Variants in RYR3 observed in about 807,000 individuals in gnomAD.
RYR3 encodes ryanodine receptor 3, also known as brain ryanodine receptor-calcium release channel.
Under a neutral mutation model 584.3 loss-of-function variants are expected in RYR3, and 207 were observed. The observed-to-expected ratio is 0.35, with a 90% CI of 0.32 to 0.40. RYR3 has a LOEUF of 0.40. Among genes scored for constraint, RYR3 ranks in the 10% least tolerant of loss-of-function variants. RYR3 has a pLI of 1.00. For missense variants in RYR3, 5,616 were observed against 6,089.2 expected, an observed-to-expected ratio of 0.92 and a Z score of 2.59; for synonymous variants, 2,416 against 2,248.5, an observed-to-expected ratio of 1.07 and a Z score of -2.11.
intron 38 of RYR3, among the ~76,000 whole-genome samples, chr15:33,694,100 G>T (rs2065648575): frequency 6.6e-6 from 1 of 152,076 alleles, no homozygotes; most frequent in Non-Finnish European, 1.5e-5. Flanking sequence ...TTTCTGGCAG[G>T]CTTTGGCCAG....
intron 16 of RYR3, among the ~76,000 whole-genome samples, chr15:33,599,629 G>A (rs2059565654): frequency 6.6e-6 from 1 of 152,204 alleles, no homozygotes; most frequent in Non-Finnish European, 1.5e-5. Flanking sequence ...GCAGAGGAGT[G>A]ACTGAATAGA....
intron 60 of RYR3, among the ~76,000 whole-genome samples, chr15:33,765,461 C>T (rs894270909): frequency 3.3e-5 from 5 of 151,580 alleles, no homozygotes; most frequent in Non-Finnish European, 5.9e-5. Flanking sequence ...GATAAAACCC[C>T]GTCTCTACTA....
At chr15:33,536,044 C>G (rs1037345349) in intron 5 of RYR3, among the ~76,000 whole-genome samples, 2 of 152,184 alleles carry the variant, frequency 1.3e-5, no homozygotes, top group African/African-American at 2.4e-5. Flanking sequence ...AAGGAGGATG[C>G]ACCTCCAACT....
intron 1 of RYR3, among the ~76,000 whole-genome samples, chr15:33,383,801 A>G (rs2041374786): frequency 1.3e-5 from 2 of 152,182 alleles, no homozygotes; most frequent in African/African-American, 2.4e-5. Flanking sequence ...TGTCAAAGAG[A>G]TACATACAGT....
chr15:33,373,116 T>C (rs551327376), intron 1 of RYR3, among the ~76,000 whole-genome samples: 1 of 152,354 alleles, frequency 6.6e-6, no homozygotes, highest in South Asian at 2.1e-4. Flanking sequence ...TTTTCAGGAA[T>C]GGTGGATTCA....
intron 1 of RYR3, among the ~76,000 whole-genome samples, chr15:33,376,973 G>A (rs2040797984): frequency 6.6e-6 from 1 of 152,084 alleles, no homozygotes; most frequent in Admixed American, 6.5e-5. Context: ...CTGTTTCATT[G>A]ATCTATTGAT....
chr15:33,449,573 T>C (rs1183625360), intron 1 of RYR3, among the ~76,000 whole-genome samples: 1 of 152,196 alleles, frequency 6.6e-6, no homozygotes, highest in African/African-American at 2.4e-5. Flanking sequence ...AAATATATTA[T>C]AGAAATACAT....
intron 1 of RYR3, among the ~76,000 whole-genome samples, chr15:33,331,572 T>G (rs1036858651): frequency 1.3e-5 from 2 of 152,098 alleles, no homozygotes; most frequent in African/African-American, 2.4e-5. Flanking sequence ...AAATACATAT[T>G]TATACATTAA....
At chr15:33,529,800 T>A (rs1251939281) in intron 3 of RYR3, among the ~76,000 whole-genome samples, 1 of 152,210 alleles carries the variant, frequency 6.6e-6, no homozygotes, top group African/African-American at 2.4e-5. Context: ...CACCTCTAAC[T>A]ATAATAAATT....
At chr15:33,558,580 C>G (rs12903310) in intron 10 of RYR3, among the ~76,000 whole-genome samples, 106,031 of 151,924 alleles carry the variant, frequency 0.7, 39,023 homozygotes, top group Middle Eastern at 0.85. Flanking sequence ...GTCTTTATAG[C>G]AGGATGGTTT....
At chr15:33,803,610 G>T (rs1477778962) in intron 69 of RYR3, among the ~76,000 whole-genome samples, 1 of 152,148 alleles carries the variant, frequency 6.6e-6, no homozygotes, top group Non-Finnish European at 1.5e-5. Context: ...CTGCCTCCCA[G>T]ATTCAAGCAA....
chr15:33,600,755 G>A (rs184883667), intron 16 of RYR3, among the ~76,000 whole-genome samples: 184 of 152,248 alleles, frequency 1.2e-3, no homozygotes, highest in African/African-American at 4.3e-3. Flanking sequence ...GCAAAAGACC[G>A]AAGAACAGGA....
chr15:33,803,829 G>T (rs535083576), intron 69 of RYR3, among the ~76,000 whole-genome samples: 6 of 152,264 alleles, frequency 3.9e-5, no homozygotes, highest in African/African-American at 1.4e-4. Context: ...CTTCAAATTG[G>T]GGTAGATTCA....
At chr15:33,715,217 C>T (rs559698577) in intron 43 of RYR3, among the ~76,000 whole-genome samples, 84 of 152,228 alleles carry the variant, frequency 5.5e-4, no homozygotes, top group Non-Finnish European at 1.0e-3. Flanking sequence ...TTTATTTCTG[C>T]CCTTGTATTC....
chr15:33,469,756 G>C (rs1254807973), intron 1 of RYR3, among the ~76,000 whole-genome samples: 4 of 152,142 alleles, frequency 2.6e-5, no homozygotes, highest in African/African-American at 9.7e-5. Flanking sequence ...CTGAGTAACA[G>C]CTCCTCAGAA....
chr15:33,470,949 C>T (rs1480186170), intron 1 of RYR3, among the ~76,000 whole-genome samples: 1 of 152,118 alleles, frequency 6.6e-6, no homozygotes, highest in Non-Finnish European at 1.5e-5. Flanking sequence ...CAAACCAGTA[C>T]AGGGATGAAG....
chr15:33,812,565 AC>A (rs2076608880), intron 72 of RYR3, among the ~76,000 whole-genome samples: 1 of 152,204 alleles, frequency 6.6e-6, no homozygotes, highest in African/African-American at 2.4e-5. Context: ...AATAGGCTAC[AC>A]ATAGCTGAAA....
chr15:33,363,696 C>T (rs1975083039), intron 1 of RYR3, among the ~76,000 whole-genome samples: 1 of 152,038 alleles, frequency 6.6e-6, no homozygotes, highest in African/African-American at 2.4e-5. Context: ...CATAAAATGA[C>T]TATTATGTGT....
chr15:33,423,010 G>A (rs962290179), intron 1 of RYR3, among the ~76,000 whole-genome samples: 2 of 152,014 alleles, frequency 1.3e-5, no homozygotes, highest in East Asian at 1.9e-4. Flanking sequence ...ATATAACATT[G>A]AGTTTGCCAT....
Sources: gnomAD v4.1 joint callset for allele counts (sites outside exome capture counted in the v4.1 genomes callset) on GRCh38, gnomAD v4.1.1 for gene constraint, MANE v1.5 for transcripts, NCBI Gene and HGNC (gene_info 2026-07-23, HGNC 2026-07-21) for gene names.